FANCC: variants seen among roughly 807,000 people sequenced by gnomAD.
The protein encoded by FANCC is Fanconi anemia group C protein.
FANCC carries 55 observed loss-of-function variants against 71.3 expected under a neutral mutation model. The ratio of observed to expected loss-of-function variants is 0.77; its 90% CI spans 0.62 to 0.97. FANCC has a LOEUF of 0.97. Ranked by LOEUF, FANCC falls within the 50% of genes least tolerant of loss-of-function variation. FANCC has a pLI of 0.00. For synonymous variants in FANCC, 275 were observed against 244.9 expected, an observed-to-expected ratio of 1.12 and a Z score of -1.15; for missense variants, 678 against 670.9, an observed-to-expected ratio of 1.01 and a Z score of -0.12.
chr9:95,138,196 C>T (rs904551984), intron 7 of FANCC, among the ~76,000 whole-genome samples: 1 of 152,254 alleles, frequency 6.6e-6, no homozygotes, highest in African/African-American at 2.4e-5. Flanking sequence ...CAGCTGGTAA[C>T]ACTTGAAGCC....
At chr9:95,160,209 G>A (rs955809955) in intron 6 of FANCC, among the ~76,000 whole-genome samples, 49 of 152,102 alleles carry the variant, frequency 3.2e-4, no homozygotes, top group African/African-American at 1.1e-3. Context: ...TTTATATAAG[G>A]TGTAAGGAAG....
chr9:95,114,304 G>T (rs563720000), intron 12 of FANCC: 1 of 376,476 alleles, frequency 2.7e-6, no homozygotes, highest in East Asian at 6.4e-5. Flanking sequence ...GTTCCCAGCA[G>T]GTGGGTGCTG....
Position 95,240,648 on chromosome 9 carries a change from C to T in FANCC, c.345+1G>A, listed in dbSNP as rs1175257797. 1 of 1,597,394 alleles carries T rather than the reference C, an allele frequency of 6.3e-7. No homozygotes were observed. The highest frequency in any genetic ancestry group is 1.3e-5 in the African/African-American group (1 of 74,646). On this transcript the variant is annotated splice_donor_variant, in intron 4 of 14. Transcript: ENST00000289081. LOFTEE classifies it high-confidence loss of function. ...GTGCAGAGCAAGATTTACTCTCTTA[C>T]CTGTATCCAGGAGTTAAGTTTTGAT...
intron 4 of FANCC, among the ~76,000 whole-genome samples, chr9:95,228,802 C>A (rs956531163): frequency 2.0e-5 from 3 of 152,088 alleles, no homozygotes; most frequent in Non-Finnish European, 4.4e-5. Flanking sequence ...GCTTAAACCC[C>A]CAAACCCCAG....
intron 6 of FANCC, among the ~76,000 whole-genome samples, chr9:95,155,133 G>A (rs1180835585): frequency 6.7e-6 from 1 of 149,816 alleles, no homozygotes; most frequent in Non-Finnish European, 1.5e-5. Context: ...CTTGAGTCCA[G>A]GAGGTGGAGG....
chr9:95,123,599 G>A (rs1825459668), intron 10 of FANCC: 1 of 593,542 alleles, frequency 1.7e-6, no homozygotes, highest in Non-Finnish European at 3.2e-6. Flanking sequence ...CACGAACTGT[G>A]CCCAATGTGT....
At chr9:95,179,049 G>A (rs772755780) in intron 4 of FANCC, among the ~76,000 whole-genome samples, 1 of 152,090 alleles carries the variant, frequency 6.6e-6, no homozygotes, top group Non-Finnish European at 1.5e-5. Flanking sequence ...TAGAGATTTC[G>A]CTAACTTTGG....
chr9:95,263,299 GT>G (rs776248810), intron 1 of FANCC, among the ~76,000 whole-genome samples: 4 of 151,952 alleles, frequency 2.6e-5, no homozygotes, highest in Non-Finnish European at 4.4e-5. Context: ...TTTCCTCTTT[GT>G]TAAGAGTTTT....
chr9:95,162,144 A>G (rs1352971079), intron 6 of FANCC, among the ~76,000 whole-genome samples: 1 of 151,938 alleles, frequency 6.6e-6, no homozygotes, highest in African/African-American at 2.4e-5. Context: ...ACCTGCCCTT[A>G]GCTTCTGTTT....
At chr9:95,189,664 G>A (rs556081859) in intron 4 of FANCC, among the ~76,000 whole-genome samples, 35 of 152,268 alleles carry the variant, frequency 2.3e-4, no homozygotes, top group African/African-American at 8.4e-4. Context: ...ACCTGGAAAT[G>A]TGTGCTTTAC....
At position 95,208,779 on chromosome 9, in the gene FANCC, C is replaced by T. The variant is rs57459358; in HGVS notation, c.345+31870G>A. 3.4e-3 allele frequency among the ~76,000 whole-genome samples: 520 copies of T among 152,272 alleles called. 2 individuals carry two copies. Among genetic ancestry groups the T allele is most frequent in the African/African-American group, 0.012 (490 of 41,550 alleles). ...ATGTATAACAACAGGAACTCTCATCCGCTGCTGATGGGGATGAAAAATGGT... is the reference window on the plus strand; with the variant it reads ...ATGTATAACAACAGGAACTCTCATCTGCTGCTGATGGGGATGAAAAATGGT... On this transcript the variant is annotated intron_variant, in intron 4 of 14. Transcript: ENST00000289081.
In FANCC at chr9:95,172,055, A is replaced by G. The variant is rs765990832; in HGVS notation, c.438T>C (p.Tyr146=). 3.0e-5 allele frequency: 48 copies of G among 1,607,216 alleles called. No homozygotes were observed. The highest frequency in any genetic ancestry group is 8.0e-5 in the African/African-American group (6 of 74,742). Residue 146 remains tyrosine, a synonymous_variant, in exon 5 of 15, where the codon TAT becomes TAC. Coordinates refer to ENST00000289081, the MANE Select transcript of FANCC (RefSeq NM_000136.3). ...TACTCACATTTTTAAGCAAACCAGG[A>G]TAGTAATCTATAGGTGCATACCCAA... ...QGLGYAPIDY[Y]PGLLKNMVLS... is the part of the protein sequence containing the mutation.
intron 1 of FANCC, among the ~76,000 whole-genome samples, chr9:95,310,049 ACC>A (rs1427408917): frequency 7.7e-4 from 118 of 152,302 alleles, no homozygotes; most frequent in East Asian, 2.9e-3. Context: ...CCCCTGCTGC[ACC>A]AAGCAAAACC....
intron 3 of FANCC, among the ~76,000 whole-genome samples, chr9:95,244,346 A>T (rs1830814310): frequency 6.6e-6 from 1 of 152,182 alleles, no homozygotes; most frequent in Non-Finnish European, 1.5e-5. Flanking sequence ...ATGGGCAGAG[A>T]CAGTGAGCCG....
chr9:95,248,050 T>G (rs1285121821), intron 2 of FANCC, among the ~76,000 whole-genome samples: 1 of 152,234 alleles, frequency 6.6e-6, no homozygotes, highest in Non-Finnish European at 1.5e-5. Flanking sequence ...ATTACTATTT[T>G]GAGTACTGTA....
intron 4 of FANCC, among the ~76,000 whole-genome samples, chr9:95,195,230 G>T (rs1588261909): frequency 2.3e-5 from 3 of 130,748 alleles, no homozygotes; most frequent in Non-Finnish European, 3.2e-5. Context: ...AACCAACTAT[G>T]CCTAGTTCCA....
intron 6 of FANCC, among the ~76,000 whole-genome samples, chr9:95,169,978 T>C (rs1405695124): frequency 6.6e-6 from 1 of 152,240 alleles, no homozygotes; most frequent in Non-Finnish European, 1.5e-5. Context: ...TGCATTCTGA[T>C]CCTTTGTTTC....
At chr9:95,159,137 C>A (rs1830604043) in intron 6 of FANCC, among the ~76,000 whole-genome samples, 1 of 151,984 alleles carries the variant, frequency 6.6e-6, no homozygotes, top group African/African-American at 2.4e-5. Context: ...CACCCATTAC[C>A]TCATCATTTA....
intron 4 of FANCC, among the ~76,000 whole-genome samples, chr9:95,179,070 T>C (rs970861515): frequency 1.3e-5 from 2 of 152,230 alleles, no homozygotes; most frequent in African/African-American, 4.8e-5. Flanking sequence ...ATTAAAATAA[T>C]TATAAAATTG....
Sources: gnomAD v4.1 joint callset for allele counts (sites outside exome capture counted in the v4.1 genomes callset) on GRCh38, gnomAD v4.1.1 for gene constraint, MANE v1.5 for transcripts, NCBI Gene and HGNC (gene_info 2026-07-23, HGNC 2026-07-21) for gene names.